Variants in TRMT13 observed in about 807,000 individuals in gnomAD.
TRMT13 encodes tRNA methyltransferase 13.
In TRMT13, 45 loss-of-function variants were observed where a neutral mutation model predicts 55.9. The observed-to-expected ratio is 0.80, with a 90% CI of 0.63 to 1.03. The LOEUF (loss-of-function observed/expected upper bound fraction) is 1.03, where lower values mean the gene tolerates loss of function less well. Among genes scored for constraint, TRMT13 ranks in the 50% least tolerant of loss-of-function variants. TRMT13 has a pLI of 0.00. For missense variants in TRMT13, 513 were observed against 563.9 expected (o/e 0.91, Z 0.91); for synonymous variants, 183 against 196.3 (o/e 0.93, Z 0.57).
In TRMT13 at chr1:100,133,181, G is replaced by A. The variant is rs1418655989; in HGVS notation, c.13G>A (p.Ala5Thr). 1 of 1,614,162 alleles carries A rather than the reference G, an allele frequency of 6.2e-7. No individual in the cohort carries two copies. Among genetic ancestry groups the A allele is most frequent in the Non-Finnish European group, 8.5e-7 (1 of 1,180,026 alleles). ...GAGCCCTAGAATTATGGCGACCTCC[G>A]CGACGTCGCCGCACGCGCCTGGTTT... The part of the protein sequence containing the change: MATS[A>T]TSPHAPGFPA... Residue 5 changes from alanine (A) to threonine (T), a missense_variant, in exon 1 of 11, where the codon GCG becomes ACG. This residue lies in a region of TRMT13 where 298 missense variants were observed against 290.3 expected (regional missense o/e 1.03). Coordinates refer to ENST00000370141, the MANE Select transcript of TRMT13 (RefSeq NM_019083.3).
intron 9 of TRMT13, 77 bp downstream of exon 9, chr1:100,144,220 C>T (rs1656956521): frequency 2.0e-6 from 2 of 1,010,778 alleles, no homozygotes; most frequent in Non-Finnish European, 3.1e-6. Flanking sequence ...TTTCAGTGGT[C>T]TCTTTTGAAT....
Position 100,137,064 on chromosome 1 carries a change from C to T in TRMT13, c.240C>T (p.Asn80=). The T allele has an allele frequency of 1.9e-6, 3 of 1,612,356 alleles. No homozygotes were observed. Among genetic ancestry groups the T allele is most frequent in the Non-Finnish European group, 2.5e-6 (3 of 1,179,658 alleles). The change falls in exon 3 of 11, where the codon AAC becomes AAT. Residue 80 remains asparagine (N), a synonymous_variant. Coordinates refer to ENST00000370141, the MANE Select transcript of TRMT13 (RefSeq NM_019083.3). The part of the protein sequence containing the change: ...DQLAKHLKKC[N]SREKPKPDFY... ...TAGCAAAGCATTTGAAAAAATGTAA[C>T]TCAAGAGAGAAACCAAAACCTGTAA...
At chr1:100,141,076 CA>C in intron 7 of TRMT13, 57 bp downstream of exon 7, 1 of 1,431,822 alleles carries the variant, frequency 7.0e-7, no homozygotes, top group Non-Finnish European at 9.4e-7. Context: ...TTTTTGTATT[CA>C]GGAAAAAAGT....
chr1:100,138,504 G>T (rs565668731), intron 3 of TRMT13, among the ~76,000 whole-genome samples: 4 of 152,186 alleles, frequency 2.6e-5, no homozygotes, highest in African/African-American at 9.6e-5. Context: ...AATTCCTGCA[G>T]TCTTCACTCA....
intron 1 of TRMT13, among the ~76,000 whole-genome samples, chr1:100,136,447 A>G (rs553570031): frequency 1.8e-4 from 28 of 152,362 alleles, no homozygotes; most frequent in African/African-American, 6.5e-4. Context: ...ATAATAGTGT[A>G]TATTATTTTT....
At chr1:100,137,141 A>G (rs1325158533) in intron 3 of TRMT13, 56 bp downstream of exon 3, 3 of 1,389,896 alleles carry the variant, frequency 2.2e-6, no homozygotes, top group Non-Finnish European at 3.0e-6. Flanking sequence ...ATGCCTTGGT[A>G]GATGCTGCAC....
At chr1:100,146,661 A>C (rs1315685290) in intron 9 of TRMT13, among the ~76,000 whole-genome samples, 5 of 152,084 alleles carry the variant, frequency 3.3e-5, no homozygotes, top group Non-Finnish European at 5.9e-5. Context: ...TCGTGCCACC[A>C]CGCCCGGCTA....
intron 4 of TRMT13, 96 bp from the exon 5 acceptor site, chr1:100,140,086 T>C (rs542626031): frequency 6.6e-6 from 5 of 754,492 alleles, no homozygotes; most frequent in Non-Finnish European, 1.1e-5. Context: ...TAAGCTGTCA[T>C]GGGATTTGCC....
Position 100,149,228 on chromosome 1 carries a change from A to G in TRMT13, c.*408A>G, listed in dbSNP as rs1414043085. Reference sequence around the variant, plus strand: ...GTTCAAGAGGTAGTGATTGATTGTAACAAGGGCCAATCTGAGAATTTGACT... The same window carrying G: ...GTTCAAGAGGTAGTGATTGATTGTAGCAAGGGCCAATCTGAGAATTTGACT... On this transcript the variant is annotated 3_prime_UTR_variant, in exon 11 of 11. Coordinates refer to ENST00000370141, the MANE Select transcript of TRMT13 (RefSeq NM_019083.3). 2.3e-5 allele frequency: 35 copies of G among 1,496,416 alleles called. No individual in the cohort carries two copies. Among genetic ancestry groups the G allele is most frequent in the Middle Eastern group, 1.9e-4 (1 of 5,238 alleles). The allele number at this position is 1,496,416 out of a possible 1,614,324, so 92.7% of individuals were successfully genotyped here. A position where few individuals can be genotyped will look rare whatever the true frequency, so the allele number is the denominator to read the frequency against.
At chr1:100,141,568 G>A (rs1046266066) in intron 7 of TRMT13, among the ~76,000 whole-genome samples, 4 of 152,126 alleles carry the variant, frequency 2.6e-5, no homozygotes, top group Non-Finnish European at 4.4e-5. Context: ...CTGAGCTTAA[G>A]CCATCCTCCC....
rs1374797165 is a variant in TRMT13 at position 100,148,772 on chromosome 1, G to A, written c.1398G>A (p.Leu466=). 6.4e-7 allele frequency: 1 copy of A among 1,557,888 alleles called. No homozygotes were observed. Among genetic ancestry groups the A allele is most frequent in the Non-Finnish European group, 8.6e-7 (1 of 1,156,506 alleles). The change falls in exon 11 of 11, where the codon TTG becomes TTA. Residue 466 remains leucine, a synonymous_variant. Transcript: ENST00000370141. ...TDPLVSLENV[L]LTALPNHSSS... Reference sequence around the variant, plus strand: ...CTCTGGTGTCTTTGGAAAATGTTTTGTTAACTGCTTTACCAAATCATTCTT... The same window carrying A: ...CTCTGGTGTCTTTGGAAAATGTTTTATTAACTGCTTTACCAAATCATTCTT...
chr1:100,133,539 T>G (rs553038039), intron 1 of TRMT13, among the ~76,000 whole-genome samples: 1 of 152,282 alleles, frequency 6.6e-6, no homozygotes, highest in African/African-American at 2.4e-5. Context: ...AGTGACCCAT[T>G]TATTTTGATC....
chr1:100,141,813 T>A (rs1656672525), intron 7 of TRMT13, among the ~76,000 whole-genome samples: 1 of 152,170 alleles, frequency 6.6e-6, no homozygotes, highest in Non-Finnish European at 1.5e-5. Context: ...TTGAACTAAA[T>A]CTTGAAAGGT....
At chr1:100,144,791 A>C (rs1657025959) in intron 9 of TRMT13, among the ~76,000 whole-genome samples, 1 of 152,248 alleles carries the variant, frequency 6.6e-6, no homozygotes, top group Non-Finnish European at 1.5e-5. Flanking sequence ...AGTGTCTGGC[A>C]CATAATAGTG....
chr1:100,144,964 T>TA (rs151023654), intron 9 of TRMT13, among the ~76,000 whole-genome samples: 391 of 152,386 alleles, frequency 2.6e-3, no homozygotes, highest in African/African-American at 8.9e-3. Context: ...TTTAAGACTA[T>TA]AGTCATGTAC....
chr1:100,133,410 G>A (rs977632848), intron 1 of TRMT13, 95 bp downstream of exon 1: 31 of 1,405,412 alleles, frequency 2.2e-5, no homozygotes, highest in Middle Eastern at 2.3e-4. Flanking sequence ...ACAGCTTTCT[G>A]CTTGTGTCCC....
At chr1:100,148,400 A>G (rs906047705) in intron 10 of TRMT13, 74 bp downstream of exon 10, 20 of 1,378,362 alleles carry the variant, frequency 1.5e-5, no homozygotes, top group Non-Finnish European at 2.0e-5. Context: ...GATGACTATT[A>G]TCAACAATTC....
intron 9 of TRMT13, among the ~76,000 whole-genome samples, chr1:100,145,343 A>G (rs1263039345): frequency 1.3e-5 from 2 of 152,210 alleles, no homozygotes; most frequent in Non-Finnish European, 2.9e-5. Flanking sequence ...AAAGTAAACC[A>G]GTTCCATCCC....
chr1:100,139,624 CT>C (rs774590222), intron 3 of TRMT13, 24 bp from the exon 4 acceptor site: 2 of 1,417,882 alleles, frequency 1.4e-6, no homozygotes, highest in Non-Finnish European at 2.0e-6. Context: ...ATTAACAGTT[CT>C]TTTATGGTTT....
Sources: allele counts gnomAD v4.1 joint callset (sites outside exome capture counted in the v4.1 genomes callset), GRCh38; gene constraint gnomAD v4.1.1; regional missense constraint gnomAD v4.1.1; transcripts MANE v1.5; gene names NCBI Gene and HGNC (gene_info 2026-07-23, HGNC 2026-07-21).